The following NUP50 variants were observed in gnomAD, a reference collection of about 807,000 sequenced individuals.
The protein encoded by NUP50 is nuclear pore complex protein Nup50.
NUP50 carries 14 observed loss-of-function variants against 36.8 expected under a neutral mutation model. The ratio of observed to expected loss-of-function variants is 0.38; its 90% CI spans 0.25 to 0.59. The LOEUF (loss-of-function observed/expected upper bound fraction) is 0.59, where lower values mean the gene tolerates loss of function less well. NUP50 is among the 20% of genes least tolerant of loss of function. The pLI, the probability that NUP50 is intolerant of heterozygous loss-of-function variation, is 0.63. For missense variants in NUP50, 455 were observed against 564.6 expected, an observed-to-expected ratio of 0.81 and a Z score of 1.97; for synonymous variants, 195 against 210.8, an observed-to-expected ratio of 0.93 and a Z score of 0.65.
At chr22:45,183,355 T>C (rs374015864) in intron 6 of NUP50, 47 bp from the exon 7 acceptor site, 1 of 1,111,258 alleles carries the variant, frequency 9.0e-7, no homozygotes, top group Non-Finnish European at 1.4e-6. Context: ...CTGTGTGACT[T>C]GATTCGTCCT....
chr22:45,175,860 C>T (rs1224752521), intron 3 of NUP50, 34 bp from the exon 4 acceptor site: 2 of 1,608,106 alleles, frequency 1.2e-6, no homozygotes, highest in East Asian at 2.2e-5. Flanking sequence ...AGAAAGTACA[C>T]TTACCTAATG....
intron 6 of NUP50, 69 bp from the exon 7 acceptor site, chr22:45,183,333 G>A (rs1242098282): frequency 1.1e-6 from 1 of 877,552 alleles, no homozygotes; most frequent in Non-Finnish European, 1.9e-6. Context: ...GTGAAGAGTG[G>A]TTGTTAGAAA....
At chr22:45,171,763 A>G in intron 3 of NUP50, 80 bp downstream of exon 3, 8 of 1,084,064 alleles carry the variant, frequency 7.4e-6, no homozygotes, top group Non-Finnish European at 1.1e-5. Flanking sequence ...GCTGGGAGCA[A>G]TGATATCAAC....
At chr22:45,170,998 G>C in intron 2 of NUP50, 1 of 1,304,038 alleles carries the variant, frequency 7.7e-7, no homozygotes, top group Non-Finnish European at 1.0e-6. Context: ...GGTAAAAGAA[G>C]GGCTATAAAC....
intron 4 of NUP50, among the ~76,000 whole-genome samples, chr22:45,177,203 C>T (rs1005514942): frequency 6.6e-5 from 10 of 152,058 alleles, no homozygotes; most frequent in African/African-American, 2.4e-4. Flanking sequence ...TGCATTGAGA[C>T]AGGGTCTCGC....
chr22:45,174,742 C>A (rs911138978), intron 3 of NUP50, among the ~76,000 whole-genome samples: 2 of 152,218 alleles, frequency 1.3e-5, no homozygotes, highest in South Asian at 4.2e-4. Context: ...GATGAAAAAT[C>A]AAATGTAGAG....
At chr22:45,170,902 T>C (rs887953102) in intron 2 of NUP50, 3 of 1,024,446 alleles carry the variant, frequency 2.9e-6, no homozygotes, top group Middle Eastern at 2.4e-4. Context: ...CCTCTATGAG[T>C]GTAGGAGCCC....
At chr22:45,171,512 G>A in intron 2 of NUP50, 88 bp from the exon 3 acceptor site, 2 of 1,229,062 alleles carry the variant, frequency 1.6e-6, no homozygotes. Context: ...CGGACACAGT[G>A]GCTCAGTTCT....
intron 3 of NUP50, among the ~76,000 whole-genome samples, chr22:45,174,948 AGG>A (rs1569048922): frequency 1.3e-5 from 2 of 151,678 alleles, no homozygotes; most frequent in Non-Finnish European, 2.9e-5. Flanking sequence ...TAGTAAATGA[AGG>A]GGTTCCAGTT....
chr22:45,172,386 A>G (rs1288948128), intron 3 of NUP50, among the ~76,000 whole-genome samples: 1 of 152,050 alleles, frequency 6.6e-6, no homozygotes, highest in African/African-American at 2.4e-5. Flanking sequence ...AATAGACTAT[A>G]TTCTTGGGTG....
intron 4 of NUP50, among the ~76,000 whole-genome samples, chr22:45,176,634 A>T (rs1569050524): frequency 1.3e-5 from 2 of 152,130 alleles, no homozygotes; most frequent in African/African-American, 4.8e-5. Flanking sequence ...AATGATCCTG[A>T]CTGGTTGGGT....
chr22:45,182,624 T>TTG (rs1555894544), intron 6 of NUP50, among the ~76,000 whole-genome samples: 3 of 5,202 alleles, frequency 5.8e-4, no homozygotes, highest in African/African-American at 2.6e-3. Context: ...TTGAGGTTTG[T>TTG]TTTTTTTTTT....
In NUP50 at chr22:45,181,805, C is replaced by T. The variant is rs537829658; in HGVS notation, c.1085+438C>T. 1.7e-4 allele frequency among the ~76,000 whole-genome samples: 26 copies of T among 152,310 alleles called. No individual in the cohort carries two copies. In the South Asian group the frequency reaches 4.6e-3, roughly 27 times the overall value. ...CTTGGTTGGCCTTTCTGGATTTTCT[C>T]ATAGTCAAAAAGTTAAGCACAGTAA... On this transcript the variant is annotated intron_variant, in intron 6 of 7. Coordinates refer to ENST00000347635, the MANE Select transcript of NUP50 (RefSeq NM_007172.4).
intron 3 of NUP50, among the ~76,000 whole-genome samples, chr22:45,174,013 G>A (rs2084421794): frequency 6.6e-6 from 1 of 152,138 alleles, no homozygotes; most frequent in African/African-American, 2.4e-5. Context: ...CACTGGAGAT[G>A]TATTGGTGAG....
In NUP50 at chr22:45,187,931, C is replaced by T. The variant is rs1384433487; in HGVS notation, c.*3276C>T. On this transcript the variant is annotated 3_prime_UTR_variant, in exon 8 of 8. Transcript: ENST00000347635. ...CTTGAATTGTCAGACAATATAATCTCAGCTTGTATTAGTTTTTGAATGCTC... is the reference window on the plus strand; with the variant it reads ...CTTGAATTGTCAGACAATATAATCTTAGCTTGTATTAGTTTTTGAATGCTC... 1.3e-5 allele frequency: 2 copies of T among 152,630 alleles called. No individual in the cohort carries two copies. Among genetic ancestry groups the T allele is most frequent in the African/African-American group, 2.4e-5 (1 of 41,450 alleles). 9.5% of individuals were successfully genotyped at this position (152,630 alleles called of 1,614,324 possible). A position where few individuals can be genotyped will look rare whatever the true frequency, so the allele number is the denominator to read the frequency against.
chr22:45,178,577 C>A lies in NUP50; in HGVS notation c.680C>A (p.Ser227Ter). The A allele has an allele frequency of 1.2e-6, 2 of 1,611,798 alleles. No homozygotes were observed. The highest frequency in any genetic ancestry group is 1.7e-6 in the Non-Finnish European group (2 of 1,179,814). ...AETQSPSLFG[S>*]TKLQQESTFL... is the part of the protein sequence containing the mutation. ...ACACAGTCTCCTTCCCTTTTTGGCTCAACAAAATTACAGCAAGAGTCAACG... is the reference window on the plus strand; with the variant it reads ...ACACAGTCTCCTTCCCTTTTTGGCTAAACAAAATTACAGCAAGAGTCAACG... The change falls in exon 5 of 8, where the codon TCA (serine) becomes TAA (stop). Residue 227 changes from serine (S) to a stop codon, truncating the protein, a stop_gained. Coordinates refer to ENST00000347635, the MANE Select transcript of NUP50 (RefSeq NM_007172.4). LOFTEE classifies it high-confidence loss of function.
intron 3 of NUP50, chr22:45,172,300 C>A (rs1001676475): frequency 6.6e-6 from 1 of 152,068 alleles, no homozygotes; most frequent in Non-Finnish European, 1.5e-5. Flanking sequence ...CAGGAGATGC[C>A]GCTTTGAATA....
Position 45,182,614 on chromosome 22 carries a change from T to A in NUP50, c.1086-788T>A, listed in dbSNP as rs564586773. Among the ~76,000 whole-genome samples the A allele has an allele frequency of 9.3e-4, 123 of 132,932 alleles. 1 individual carries two copies. The highest frequency in any genetic ancestry group is 3.3e-3 in the African/African-American group (117 of 35,128). The allele number at this position is 132,932 out of a possible 152,430, so 87.2% of individuals were successfully genotyped here. A position where few individuals can be genotyped will look rare whatever the true frequency, so the allele number is the denominator to read the frequency against. On this transcript the variant is annotated intron_variant, in intron 6 of 7. Transcript: ENST00000347635. ...TGTGCAATCAAAAACTGAAAGAGCC[T>A]TGAGGTTTGTTTTTTTTTTTTTTTT...
At chr22:45,169,978 TTAG>T (rs2074159621) in intron 2 of NUP50, among the ~76,000 whole-genome samples, 1 of 152,260 alleles carries the variant, frequency 6.6e-6, no homozygotes, top group African/African-American at 2.4e-5. Context: ...TTTGAAGTTC[TTAG>T]TAGATAGCAG....
Sources: allele counts gnomAD v4.1 joint callset (sites outside exome capture counted in the v4.1 genomes callset), GRCh38; gene constraint gnomAD v4.1.1; transcripts MANE v1.5; gene names NCBI Gene and HGNC (gene_info 2026-07-23, HGNC 2026-07-21).